PHF21A: variants seen among roughly 807,000 people sequenced by gnomAD.
PHF21A encodes BHC80a.
PHF21A carries 11 observed loss-of-function variants against 82.5 expected under a neutral mutation model. That is an observed-to-expected ratio of 0.13 (90% CI 0.08 to 0.22). The LOEUF is 0.22. Among genes scored for constraint, PHF21A ranks in the 10% least tolerant of loss-of-function variants. The pLI, the probability that PHF21A is intolerant of heterozygous loss-of-function variation, is 1.00. For missense variants in PHF21A, 579 were observed against 837.8 expected (o/e 0.69, Z 3.81); for synonymous variants, 297 against 302.8 (o/e 0.98, Z 0.20).
intron 1 of PHF21A, among the ~76,000 whole-genome samples, chr11:46,102,491 T>C (rs1201344378): frequency 6.6e-6 from 1 of 152,244 alleles, no homozygotes; most frequent in Non-Finnish European, 1.5e-5. Flanking sequence ...CCTAGTCTTC[T>C]CAATTAATAA....
intron 6 of PHF21A, among the ~76,000 whole-genome samples, chr11:46,063,174 G>T (rs995580205): frequency 3.3e-5 from 5 of 152,176 alleles, no homozygotes; most frequent in African/African-American, 1.2e-4. Context: ...AAAATGAATT[G>T]AATTCGCCGG....
At chr11:46,034,815 G>A (rs1173087056) in intron 6 of PHF21A, among the ~76,000 whole-genome samples, 1 of 152,136 alleles carries the variant, frequency 6.6e-6, no homozygotes, top group Non-Finnish European at 1.5e-5. Context: ...ATAGTGATTG[G>A]TCTGAGCCCT....
At chr11:46,006,342 A>G (rs1356022393) in intron 6 of PHF21A, among the ~76,000 whole-genome samples, 1 of 152,244 alleles carries the variant, frequency 6.6e-6, no homozygotes, top group Non-Finnish European at 1.5e-5. Flanking sequence ...TCGGTTGTAT[A>G]TACAATTAGG....
At chr11:45,990,396 C>G (rs1222132574) in intron 6 of PHF21A, among the ~76,000 whole-genome samples, 1 of 151,462 alleles carries the variant, frequency 6.6e-6, no homozygotes, top group Non-Finnish European at 1.5e-5. Flanking sequence ...GGAGCTGGGA[C>G]TACACGAATG....
At chr11:46,078,190 C>T (rs1488416270) in intron 5 of PHF21A, among the ~76,000 whole-genome samples, 1 of 152,164 alleles carries the variant, frequency 6.6e-6, no homozygotes, top group Non-Finnish European at 1.5e-5. Context: ...GTACGGGCTA[C>T]CAATGCCAGC....
rs775967254 is a variant in PHF21A, at chr11:45,979,835, T to C, written c.285A>G (p.Leu95=). The change falls in exon 7 of 19, where the codon CTA becomes CTG. Residue 95 remains leucine, a synonymous_variant. Coordinates refer to ENST00000676320, the MANE Select transcript of PHF21A (RefSeq NM_001352027.3). ...GGTGGTGGTACTGCTGCTGTTGTTG[T>C]AGTTGCTGTAGTGGTTGCTGCTGTG... ...QTAQQQPLQQ[L]QQQQQYHHHH... is the part of the protein sequence containing the mutation. 5.6e-6 allele frequency: 9 copies of C among 1,614,038 alleles called. No homozygotes were observed. The highest frequency in any genetic ancestry group is 5.0e-5 in the Admixed American group (3 of 60,004).
chr11:46,067,406 T>C (rs2096607007), intron 6 of PHF21A, among the ~76,000 whole-genome samples: 3 of 152,182 alleles, frequency 2.0e-5, no homozygotes, highest in Admixed American at 2.0e-4. Context: ...AGAGACTTGT[T>C]TCTAGATGTA....
chr11:45,971,946 G>A (rs1452086833), intron 7 of PHF21A, among the ~76,000 whole-genome samples: 1 of 140,040 alleles, frequency 7.1e-6, no homozygotes, highest in Non-Finnish European at 1.5e-5. Context: ...ACTCACATAA[G>A]GATTAGCATG....
At chr11:46,101,060 CTGCTTA>C (rs1413579849) in intron 1 of PHF21A, among the ~76,000 whole-genome samples, 3 of 152,176 alleles carry the variant, frequency 2.0e-5, no homozygotes, top group African/African-American at 7.2e-5. Flanking sequence ...ATATATTGTC[CTGCTTA>C]TGCTAAGAAA....
intron 1 of PHF21A, among the ~76,000 whole-genome samples, chr11:46,108,000 C>CT (rs1042281361): frequency 3.4e-4 from 52 of 152,126 alleles, no homozygotes; most frequent in African/African-American, 1.2e-3. Flanking sequence ...TGTAGGGTAT[C>CT]TTTACGCTGA....
intron 14 of PHF21A, 40 bp downstream of exon 14, chr11:45,948,846 A>T: frequency 6.7e-7 from 1 of 1,501,516 alleles, no homozygotes. Context: ...CACAAAGCAA[A>T]AGCAACAGCA....
At chr11:45,998,942 C>T (rs997667251) in intron 6 of PHF21A, among the ~76,000 whole-genome samples, 1 of 152,036 alleles carries the variant, frequency 6.6e-6, no homozygotes, top group African/African-American at 2.4e-5. Context: ...CCTCCCTCAG[C>T]CTCCCTCCCG....
At chr11:45,986,368 A>C (rs1324565736) in intron 6 of PHF21A, among the ~76,000 whole-genome samples, 1 of 152,200 alleles carries the variant, frequency 6.6e-6, no homozygotes, top group Non-Finnish European at 1.5e-5. Flanking sequence ...CTAAATTTAG[A>C]GACCCTTCTA....
chr11:46,109,348 A>ATATAT (rs1425470117), intron 1 of PHF21A, among the ~76,000 whole-genome samples: 1 of 152,184 alleles, frequency 6.6e-6, no homozygotes, highest in African/African-American at 2.4e-5. Flanking sequence ...ATACATAATA[A>ATATAT]ACACTCTTTA....
intron 6 of PHF21A, among the ~76,000 whole-genome samples, chr11:46,050,180 C>T (rs905003261): frequency 2.8e-4 from 42 of 152,218 alleles, no homozygotes; most frequent in African/African-American, 9.9e-4. Context: ...TCCTTTTTTC[C>T]CCCCTTAATT....
intron 1 of PHF21A, among the ~76,000 whole-genome samples, chr11:46,102,472 G>A (rs921060599): frequency 6.6e-6 from 1 of 152,164 alleles, no homozygotes; most frequent in African/African-American, 2.4e-5. Flanking sequence ...ACAAATCAAG[G>A]AAAGAAAGCC....
intron 13 of PHF21A, 39 bp from the exon 14 acceptor site, chr11:45,948,985 T>G (rs921317978): frequency 1.2e-5 from 18 of 1,529,784 alleles, no homozygotes; most frequent in Non-Finnish European, 1.6e-5. Context: ...TGTTGAGTAG[T>G]GTGGTTATTA....
At chr11:46,015,906 C>CTATT (rs1389659787) in intron 6 of PHF21A, among the ~76,000 whole-genome samples, 1 of 145,122 alleles carries the variant, frequency 6.9e-6, no homozygotes, top group African/African-American at 2.8e-5. Flanking sequence ...ATCTATCTAT[C>CTATT]TATCTATCTA....
chr11:45,948,483 G>T lies in PHF21A; in HGVS notation c.1288+403C>A, dbSNP rs1358422089. On this transcript the variant is annotated intron_variant, in intron 14 of 18. Transcript: ENST00000676320. The stretch of plus-strand genomic sequence containing the variant: ...CCAAGAAACTCAGCGTCACACTCTG[G>T]CCTTGCCGGCAGCAGGACAACCAAG... 2.0e-5 allele frequency among the ~76,000 whole-genome samples: 3 copies of T among 152,174 alleles called. No homozygotes were observed. The East Asian group carries it at 5.8e-4, about 29-fold the overall frequency.
Sources: gnomAD v4.1 joint callset for allele counts (sites outside exome capture counted in the v4.1 genomes callset) on GRCh38, gnomAD v4.1.1 for gene constraint, MANE v1.5 for transcripts, NCBI Gene and HGNC (gene_info 2026-07-23, HGNC 2026-07-21) for gene names.